EML6: variants seen among roughly 807,000 people sequenced by gnomAD.
EML6 encodes echinoderm microtubule-associated protein-like 6.
A neutral mutation model predicts 240.1 loss-of-function variants in EML6; 154 were observed. The observed-to-expected ratio is 0.64, with a 90% CI of 0.56 to 0.73. The LOEUF is 0.73. Among genes scored for constraint, EML6 ranks in the 30% least tolerant of loss-of-function variants. The pLI is 0.00. For synonymous variants in EML6, 1,148 were observed against 899.0 expected, an observed-to-expected ratio of 1.28 and a Z score of -4.95; for missense variants, 2,964 against 2,474.6, an observed-to-expected ratio of 1.20 and a Z score of -4.20.
At chr2:54,863,741 C>G (rs1670805072) in intron 12 of EML6, 42 bp from the exon 13 acceptor site, 3 of 1,019,932 alleles carry the variant, frequency 2.9e-6, no homozygotes, top group Non-Finnish European at 4.5e-6. Flanking sequence ...TGCTCAGAGT[C>G]TCAGAATTTT....
chr2:54,928,892 CA>C, intron 28 of EML6, 141 bp downstream of exon 28: 1 of 996,246 alleles, frequency 1.0e-6, no homozygotes, highest in Non-Finnish European at 1.5e-6. Flanking sequence ...CACCTGTACA[CA>C]GGCTTAAGCT....
intron 16 of EML6, among the ~76,000 whole-genome samples, chr2:54,878,671 G>C: frequency 6.6e-6 from 1 of 152,180 alleles, no homozygotes; most frequent in Non-Finnish European, 1.5e-5. Context: ...TCCTGGAAAT[G>C]TAAAGCAGAC....
intron 28 of EML6, among the ~76,000 whole-genome samples, chr2:54,938,847 C>G (rs1238314644): frequency 1.3e-5 from 2 of 152,146 alleles, no homozygotes; most frequent in Non-Finnish European, 2.9e-5. Flanking sequence ...TTTCTGAGGG[C>G]TTTATTTTTG....
At chr2:54,825,082 A>G (rs1403678533) in intron 5 of EML6, among the ~76,000 whole-genome samples, 1 of 152,204 alleles carries the variant, frequency 6.6e-6, no homozygotes. Flanking sequence ...TTTTATGTAG[A>G]TCAAGTCTGA....
chr2:54,907,795 T>C (rs985139333), intron 24 of EML6, among the ~76,000 whole-genome samples: 1 of 152,218 alleles, frequency 6.6e-6, no homozygotes, highest in Non-Finnish European at 1.5e-5. Context: ...ATTACTGTTA[T>C]TCAAGAGCAA....
At chr2:54,879,004 A>G (rs1234359000) in intron 16 of EML6, among the ~76,000 whole-genome samples, 1 of 152,240 alleles carries the variant, frequency 6.6e-6, no homozygotes, top group Non-Finnish European at 1.5e-5. Context: ...AAATTTTTAA[A>G]TTGTAAAATC....
chr2:54,834,254 C>T (rs1051903202), intron 7 of EML6, among the ~76,000 whole-genome samples: 5 of 152,172 alleles, frequency 3.3e-5, no homozygotes, highest in Admixed American at 3.3e-4. Context: ...TCATACCTCA[C>T]ACCAAACTTC....
At chr2:54,747,220 G>A (rs1287708641) in intron 2 of EML6, 1 of 152,210 alleles carries the variant, frequency 6.6e-6, no homozygotes, top group Admixed American at 6.5e-5. Flanking sequence ...CCACTGTGTT[G>A]GTGGGTAAAA....
At chr2:54,924,322 T>G (rs896624108) in intron 26 of EML6, among the ~76,000 whole-genome samples, 2 of 152,192 alleles carry the variant, frequency 1.3e-5, no homozygotes, top group East Asian at 1.9e-4. Flanking sequence ...CAGTTGTGTT[T>G]TCAGTTTACA....
In EML6 at chr2:54,928,757, G is replaced by A; in HGVS notation, c.4004+6G>A. ...GAAGTTTCCGTGGAAGAAAGGTATG[G>A]TGTTGCCAGGTTTGCTTGCTTTTAT... On this transcript the variant is annotated splice_donor_region_variant and intron_variant, in intron 28 of 41. Coordinates refer to ENST00000356458, the MANE Select transcript of EML6 (RefSeq NM_001039753.4). 6.4e-7 allele frequency: 1 copy of A among 1,551,790 alleles called. No homozygotes were observed. Among genetic ancestry groups the A allele is most frequent in the Non-Finnish European group, 8.7e-7 (1 of 1,147,024 alleles).
intron 9 of EML6, among the ~76,000 whole-genome samples, chr2:54,848,524 TACACACACACACAC>T (rs59587579): frequency 4.8e-5 from 7 of 145,744 alleles, no homozygotes; most frequent in Non-Finnish European, 9.0e-5. Flanking sequence ...GCTTCCACAC[TACACACACACACAC>T]ACACACACAC....
intron 2 of EML6, among the ~76,000 whole-genome samples, chr2:54,743,574 C>G (rs892403650): frequency 3.3e-5 from 5 of 152,192 alleles, no homozygotes; most frequent in Admixed American, 6.5e-5. Context: ...CATGTTCTTT[C>G]TATTACATGG....
chr2:54,911,089 A>G, intron 25 of EML6, 47 bp downstream of exon 25: 1 of 977,144 alleles, frequency 1.0e-6, no homozygotes, highest in South Asian at 1.6e-5. Context: ...GTGAAGATTT[A>G]ATATGTGCAT....
Position 54,957,851 on chromosome 2 carries a change from C to A in EML6, c.4548C>A (p.Pro1516=), listed in dbSNP as rs558067112. The part of the protein sequence containing the change: ...LERIFVVEFR[P]DSDTQFVSVG... Reference sequence around the variant, plus strand: ...GCATATTTGTGGTGGAATTTCGCCCCGACTCAGACACGCAGTTTGTATCTG... The same window carrying A: ...GCATATTTGTGGTGGAATTTCGCCCAGACTCAGACACGCAGTTTGTATCTG... Residue 1516 remains proline (P), a synonymous_variant, in exon 33 of 42, where the codon CCC becomes CCA. Coordinates refer to ENST00000356458, the MANE Select transcript of EML6 (RefSeq NM_001039753.4). 3.2e-6 allele frequency: 5 copies of A among 1,550,904 alleles called. No homozygotes were observed. The Admixed American group carries it at 5.9e-5, about 18-fold the overall frequency.
At chr2:54,815,241 T>A (rs1004774490) in intron 3 of EML6, among the ~76,000 whole-genome samples, 2 of 152,098 alleles carry the variant, frequency 1.3e-5, no homozygotes, top group African/African-American at 4.8e-5. Flanking sequence ...TGGGTGGGGG[T>A]GGATTGCATG....
chr2:54,953,640 C>G (rs779497163), intron 31 of EML6, among the ~76,000 whole-genome samples: 1 of 152,124 alleles, frequency 6.6e-6, no homozygotes, highest in Admixed American at 6.5e-5. Context: ...CATTTGTAAT[C>G]CCAGCACTTT....
chr2:54,889,637 A>G (rs1477031615), intron 17 of EML6, among the ~76,000 whole-genome samples: 4 of 152,004 alleles, frequency 2.6e-5, no homozygotes, highest in African/African-American at 4.8e-5. Flanking sequence ...AATTTTATAT[A>G]CTGTACCTTT....
intron 11 of EML6, among the ~76,000 whole-genome samples, chr2:54,857,934 C>T (rs999826651): frequency 6.6e-6 from 1 of 152,316 alleles, no homozygotes; most frequent in African/African-American, 2.4e-5. Flanking sequence ...GTTCTAGTTC[C>T]AGCTTACAAA....
At chr2:54,809,839 T>A (rs943018848) in intron 2 of EML6, among the ~76,000 whole-genome samples, 1 of 152,154 alleles carries the variant, frequency 6.6e-6, no homozygotes, top group African/African-American at 2.4e-5. Flanking sequence ...AAATTTAAAA[T>A]AGAAGTAAAT....
Sources: gnomAD v4.1 joint callset for allele counts (sites outside exome capture counted in the v4.1 genomes callset) on GRCh38, gnomAD v4.1.1 for gene constraint, MANE v1.5 for transcripts, NCBI Gene and HGNC (gene_info 2026-07-23, HGNC 2026-07-21) for gene names.